Variants in DLC1 observed in about 807,000 individuals in gnomAD.
DLC1 encodes DLC1 Rho GTPase activating protein.
Under a neutral mutation model 140.3 loss-of-function variants are expected in DLC1, and 54 were observed. That is an observed-to-expected ratio of 0.38 (90% CI 0.31 to 0.48). DLC1 has a LOEUF of 0.48. DLC1 is among the 20% of genes least tolerant of loss of function. DLC1 has a pLI of 0.96. For synonymous variants in DLC1, 986 were observed against 728.1 expected (o/e 1.35, Z -5.70); for missense variants, 2,536 against 1,907.0 (o/e 1.33, Z -6.14).
chr8:13,359,859 C>T (rs1192853560), intron 4 of DLC1, among the ~76,000 whole-genome samples: 1 of 152,098 alleles, frequency 6.6e-6, no homozygotes, highest in Non-Finnish European at 1.5e-5. Flanking sequence ...TATTTAAGTT[C>T]TCATGCTATT....
intron 2 of DLC1, among the ~76,000 whole-genome samples, chr8:13,413,736 C>T (rs1837916390): frequency 6.6e-6 from 1 of 152,098 alleles, no homozygotes; most frequent in Non-Finnish European, 1.5e-5. Flanking sequence ...CTGTCTCCTG[C>T]CACCTAGTAA....
At chr8:13,144,080 G>C (rs1289216989) in intron 5 of DLC1, among the ~76,000 whole-genome samples, 3 of 152,160 alleles carry the variant, frequency 2.0e-5, no homozygotes, top group Non-Finnish European at 4.4e-5. Flanking sequence ...ATCTTTATGA[G>C]GGTGGTTCTG....
intron 1 of DLC1, among the ~76,000 whole-genome samples, chr8:13,506,236 T>C (rs567824598): frequency 2.0e-5 from 3 of 152,190 alleles, no homozygotes; most frequent in African/African-American, 7.2e-5. Context: ...CACACACATA[T>C]ATATAAATGA....
At chr8:13,325,035 C>G (rs766567188) in intron 4 of DLC1, among the ~76,000 whole-genome samples, 4 of 152,204 alleles carry the variant, frequency 2.6e-5, no homozygotes, top group Non-Finnish European at 5.9e-5. Context: ...TACACACTTT[C>G]TGAAATGCAT....
chr8:13,474,216 G>A (rs1800338355), intron 2 of DLC1, among the ~76,000 whole-genome samples: 1 of 152,180 alleles, frequency 6.6e-6, no homozygotes, highest in Non-Finnish European at 1.5e-5. Flanking sequence ...AATAAGAGGA[G>A]CCAAGGTACA....
intron 4 of DLC1, among the ~76,000 whole-genome samples, chr8:13,386,412 A>T (rs543899998): frequency 6.6e-6 from 1 of 152,188 alleles, no homozygotes; most frequent in African/African-American, 2.4e-5. Context: ...TTCAGAGCTA[A>T]GTATTATATA....
chr8:13,573,876 T>C (rs1407079931), intron 1 of DLC1, among the ~76,000 whole-genome samples: 1 of 152,168 alleles, frequency 6.6e-6, no homozygotes, highest in Admixed American at 6.5e-5. Context: ...TTTATGACAC[T>C]TGTGGCTTAA....
chr8:13,412,094 G>A (rs998046724), intron 2 of DLC1, among the ~76,000 whole-genome samples: 4 of 152,106 alleles, frequency 2.6e-5, no homozygotes, highest in African/African-American at 9.7e-5. Flanking sequence ...TAGATCATAT[G>A]TACGACAATG....
At chr8:13,283,759 C>T (rs1563223235) in intron 5 of DLC1, among the ~76,000 whole-genome samples, 1 of 152,146 alleles carries the variant, frequency 6.6e-6, no homozygotes, top group Non-Finnish European at 1.5e-5. Context: ...AAACGATTCT[C>T]CCGCCTCTGC....
intron 4 of DLC1, among the ~76,000 whole-genome samples, chr8:13,314,033 T>C (rs1337181564): frequency 6.6e-6 from 1 of 152,080 alleles, no homozygotes; most frequent in Admixed American, 6.6e-5. Context: ...GTGATCCCTG[T>C]ACCAGAAAAT....
chr8:13,183,616 G>A (rs548754314), intron 5 of DLC1, among the ~76,000 whole-genome samples: 13 of 152,172 alleles, frequency 8.5e-5, no homozygotes, highest in African/African-American at 2.4e-4. Flanking sequence ...GATGGATTAC[G>A]TTTATTGATT....
chr8:13,330,314 T>C (rs1011307084), intron 4 of DLC1, among the ~76,000 whole-genome samples: 5 of 152,134 alleles, frequency 3.3e-5, no homozygotes, highest in Admixed American at 1.3e-4. Context: ...TCATCTGATA[T>C]CAAAATAACC....
intron 4 of DLC1, among the ~76,000 whole-genome samples, chr8:13,330,496 A>G (rs1833541505): frequency 6.6e-6 from 1 of 152,166 alleles, no homozygotes; most frequent in Admixed American, 6.5e-5. Flanking sequence ...ACCCTCCTTT[A>G]GCAGAATGTT....
intron 1 of DLC1, among the ~76,000 whole-genome samples, chr8:13,562,277 T>C (rs1243396932): frequency 6.6e-6 from 1 of 151,992 alleles, no homozygotes; most frequent in Non-Finnish European, 1.5e-5. Context: ...AAACACAGCA[T>C]AGACAAATAG....
intron 4 of DLC1, among the ~76,000 whole-genome samples, chr8:13,371,031 G>A (rs192358290): frequency 4.4e-4 from 67 of 152,282 alleles, no homozygotes; most frequent in African/African-American, 1.3e-3. Flanking sequence ...ATTATTGGGG[G>A]AAATCCTCAA....
At chr8:13,103,495 A>G (rs937300370) in intron 7 of DLC1, among the ~76,000 whole-genome samples, 1 of 152,004 alleles carries the variant, frequency 6.6e-6, no homozygotes, top group Non-Finnish European at 1.5e-5. Context: ...TCATTCTTCC[A>G]ATAACTCTTA....
chr8:13,323,997 G>C (rs956572257), intron 4 of DLC1, among the ~76,000 whole-genome samples: 2 of 152,202 alleles, frequency 1.3e-5, no homozygotes, highest in African/African-American at 4.8e-5. Flanking sequence ...TGCCCTGGCT[G>C]AATTACAGCC....
chr8:13,548,715 A>G (rs1483701630), intron 1 of DLC1, among the ~76,000 whole-genome samples: 1 of 152,032 alleles, frequency 6.6e-6, no homozygotes, highest in African/African-American at 2.4e-5. Context: ...TTGATAACAT[A>G]GAGATATATC....
intron 5 of DLC1, among the ~76,000 whole-genome samples, chr8:13,238,728 C>T (rs898165368): frequency 6.6e-6 from 1 of 152,116 alleles, no homozygotes; most frequent in Non-Finnish European, 1.5e-5. Context: ...GCAGATCCTG[C>T]CCAGCTGTGG....
Sources: allele counts gnomAD v4.1 joint callset (sites outside exome capture counted in the v4.1 genomes callset), GRCh38; gene constraint gnomAD v4.1.1; transcripts MANE v1.5; gene names NCBI Gene and HGNC (gene_info 2026-07-23, HGNC 2026-07-21).